UBR4: variants seen among roughly 807,000 people sequenced by gnomAD.
UBR4 encodes ubiquitin protein ligase E3 component n-recognin 4.
A neutral mutation model predicts 575.6 loss-of-function variants in UBR4; 124 were observed. That is an observed-to-expected ratio of 0.22 (90% CI 0.19 to 0.25). UBR4 has a LOEUF of 0.25. Ranked by LOEUF, UBR4 falls within the 10% of genes least tolerant of loss-of-function variation. The pLI, the probability that UBR4 is intolerant of heterozygous loss-of-function variation, is 1.00. For synonymous variants in UBR4, 2,455 were observed against 2,473.7 expected (o/e 0.99, Z 0.22); for missense variants, 4,818 against 6,478.8 (o/e 0.74, Z 8.80).
rs376929588 is a variant in UBR4 at position 19,195,314 on chromosome 1, A to T, written c.1019-1757T>A. ...ATAGTAAAATCTAATAATTTCAAAA[A>T]ATTAAAAATAAATTTTAAGATTATG... is the stretch of plus-strand genomic sequence containing the variant. On this transcript the variant is annotated intron_variant, in intron 8 of 105. Coordinates refer to ENST00000375254, the MANE Select transcript of UBR4 (RefSeq NM_020765.3). Among the ~76,000 whole-genome samples the T allele has an allele frequency of 1.1e-4, 17 of 149,584 alleles. No individual in the cohort carries two copies. In the East Asian group the frequency reaches 2.7e-3, roughly 24 times the overall value.
intron 53 of UBR4, among the ~76,000 whole-genome samples, chr1:19,145,231 T>C (rs2150111449): frequency 1.3e-5 from 2 of 152,292 alleles, no homozygotes; most frequent in Middle Eastern, 3.4e-3. Flanking sequence ...AAATGTTCCC[T>C]AATATCCCCC....
chr1:19,126,318 C>T (rs2081783157), intron 64 of UBR4, 128 bp downstream of exon 64: 1 of 1,079,998 alleles, frequency 9.3e-7, no homozygotes, highest in Non-Finnish European at 1.4e-6. Context: ...GATTAACCCC[C>T]ACCAAGGAAT....
At chr1:19,140,203 A>G (rs897388866) in intron 58 of UBR4, among the ~76,000 whole-genome samples, 4 of 121,908 alleles carry the variant, frequency 3.3e-5, no homozygotes, top group African/African-American at 1.4e-4. Context: ...CCAACTCTCT[A>G]TTCAGGAAAC....
At chr1:19,123,574 AAG>A (rs2081403678) in intron 65 of UBR4, among the ~76,000 whole-genome samples, 1 of 152,180 alleles carries the variant, frequency 6.6e-6, no homozygotes, top group Admixed American at 6.5e-5. Context: ...AAGGGAGAGA[AAG>A]AAATCAAAGA....
At chr1:19,113,499 C>T (rs1570635042) in intron 77 of UBR4, 200 bp downstream of exon 77, 1 of 744,586 alleles carries the variant, frequency 1.3e-6, no homozygotes. Flanking sequence ...CTAGCATGAA[C>T]TCAGCATTCT....
At chr1:19,209,939 G>A in intron 1 of UBR4, 134 bp downstream of exon 1, 2 of 1,335,072 alleles carry the variant, frequency 1.5e-6, no homozygotes, top group South Asian at 1.8e-5. Flanking sequence ...CCCCGGGCCC[G>A]GGACCCCGAA....
chr1:19,186,233 G>A (rs2091515126), intron 14 of UBR4, among the ~76,000 whole-genome samples: 1 of 152,132 alleles, frequency 6.6e-6, no homozygotes, highest in Admixed American at 6.6e-5. Context: ...TTAGAGCAGA[G>A]GTCACAAAAT....
rs753265968 is a variant in UBR4, at chr1:19,146,884, G to A, written c.7746C>T (p.Ile2582=). Residue 2582 remains isoleucine (I), a synonymous_variant, in exon 52 of 106, where the codon ATC becomes ATT. Coordinates refer to ENST00000375254, the MANE Select transcript of UBR4 (RefSeq NM_020765.3). Reference sequence around the variant, plus strand: ...AGTGGACAAGGTTGTTGGGGCGCATGATGGCAATGGAGCGAGCTGTGATCA... The same window carrying A: ...AGTGGACAAGGTTGTTGGGGCGCATAATGGCAATGGAGCGAGCTGTGATCA... ...RLVITARSIA[I]MRPNNLVHFT... 4.3e-6 allele frequency: 7 copies of A among 1,614,194 alleles called. No homozygotes were observed. The highest frequency in any genetic ancestry group is 1.1e-5 in the South Asian group (1 of 91,074).
At chr1:19,174,286 A>T in intron 22 of UBR4, 33 bp downstream of exon 22, 1 of 1,583,996 alleles carries the variant, frequency 6.3e-7, no homozygotes, top group Non-Finnish European at 8.6e-7. Context: ...ATCAAACACA[A>T]CCCAAAGACT....
chr1:19,203,656 GAATAAC>G (rs2151762715), intron 1 of UBR4, among the ~76,000 whole-genome samples: 1 of 152,312 alleles, frequency 6.6e-6, no homozygotes, highest in East Asian at 1.9e-4. Flanking sequence ...GAATCACCTT[GAATAAC>G]ACTTGAGAGT....
intron 71 of UBR4, chr1:19,118,626 T>C (rs2080853156): frequency 4.4e-6 from 2 of 457,050 alleles, no homozygotes; most frequent in African/African-American, 4.0e-5. Context: ...AGTCTCACTA[T>C]GTTGCCCAGG....
chr1:19,164,972 C>G lies in UBR4; in HGVS notation c.4338G>C (p.Leu1446=). The change falls in exon 32 of 106, where the codon CTG becomes CTC. Residue 1446 remains leucine, a synonymous_variant. Transcript: ENST00000375254. The part of the protein sequence containing the change: ...QLTEKSPNPS[L]LHLCGSLAQL... ...GTGCCAGGGAGCCACAGAGATGCAACAGGCTCGGGTTAGGGCTCTTCTCAG... is the reference window on the plus strand; with the variant it reads ...GTGCCAGGGAGCCACAGAGATGCAAGAGGCTCGGGTTAGGGCTCTTCTCAG... The G allele has an allele frequency of 6.2e-7, 1 of 1,613,998 alleles. No homozygotes were observed. Among genetic ancestry groups the G allele is most frequent in the Non-Finnish European group, 8.5e-7 (1 of 1,179,978 alleles).
chr1:19,115,562 C>A lies in UBR4; in HGVS notation c.10899G>T (p.Leu3633Phe). 6.2e-7 allele frequency: 1 copy of A among 1,614,202 alleles called. No individual in the cohort carries two copies. The highest frequency in any genetic ancestry group is 8.5e-7 in the Non-Finnish European group (1 of 1,180,024). Residue 3633 changes from leucine (L) to phenylalanine (F), a missense_variant, in exon 74 of 106, where the codon TTG (leucine) becomes TTT (phenylalanine). Physicochemically the swap from Leu to Phe is conservative, Grantham distance 22. This residue lies in a region of UBR4 where 550 missense variants were observed against 791.5 expected (regional missense o/e 0.69). Coordinates refer to ENST00000375254, the MANE Select transcript of UBR4 (RefSeq NM_020765.3). The stretch of plus-strand genomic sequence containing the variant: ...TCATCAGATTGGAGGCCACAATGGG[C>A]AACGGCAGGTCAATCTTCACCTCTG... ...GQTEVKIDLP[L>F]PIVASNLMIE... is the part of the protein sequence containing the mutation.
rs1441806338 is a variant in UBR4 at position 19,088,338 on chromosome 1, C to G, written c.14431-409G>C. On this transcript the variant is annotated intron_variant, in intron 98 of 105. Transcript: ENST00000375254. The surrounding 1 kb of genome is among the most constrained non-coding windows in gnomAD (Gnocchi z 4.0). ...CTTTGGAAAAGGAGCTTGTAGGACT[C>G]TGCTTCCTCCAAGGTGGGACAGTTA... Among the ~76,000 whole-genome samples, 1 of 152,228 alleles carries G rather than the reference C, an allele frequency of 6.6e-6. No homozygotes were observed. Among genetic ancestry groups the G allele is most frequent in the East Asian group, 1.9e-4 (1 of 5,198 alleles).
intron 75 of UBR4, 127 bp from the exon 76 acceptor site, chr1:19,114,197 T>G: frequency 8.1e-7 from 1 of 1,231,962 alleles, no homozygotes; most frequent in Non-Finnish European, 1.1e-6. Flanking sequence ...ATACATTATC[T>G]CTGTTCTTCA....
At chr1:19,173,808 G>T (rs1196913813) in intron 22 of UBR4, among the ~76,000 whole-genome samples, 187 bp from the exon 23 acceptor site, 1 of 152,180 alleles carries the variant, frequency 6.6e-6, no homozygotes, top group Non-Finnish European at 1.5e-5. Context: ...GAAAATGGCA[G>T]AACACACATA....
chr1:19,114,728 G>A lies in UBR4; in HGVS notation c.11202+83C>T, dbSNP rs2080293667. The A allele has an allele frequency of 3.1e-5, 48 of 1,537,338 alleles. No individual in the cohort carries two copies. The South Asian group carries it at 5.6e-4, about 18-fold the overall frequency. Reference sequence around the variant, plus strand: ...AGTCGAAGAAGGCTTAGGCTAGAAAGTAAAGTGCACTGCACTGCACCAGGT... The same window carrying A: ...AGTCGAAGAAGGCTTAGGCTAGAAAATAAAGTGCACTGCACTGCACCAGGT... On this transcript the variant is annotated intron_variant, in intron 75 of 105. Coordinates refer to ENST00000375254, the MANE Select transcript of UBR4 (RefSeq NM_020765.3).
At chr1:19,128,123 G>A (rs1345626908) in intron 62 of UBR4, 88 bp downstream of exon 62, 3 of 1,273,454 alleles carry the variant, frequency 2.4e-6, no homozygotes, top group Non-Finnish European at 3.4e-6. Flanking sequence ...CTTGAAACGA[G>A]GTGAAGTTCC....
intron 1 of UBR4, among the ~76,000 whole-genome samples, chr1:19,202,603 CCT>C (rs1012517342): frequency 6.6e-6 from 1 of 152,116 alleles, no homozygotes; most frequent in African/African-American, 2.4e-5. Context: ...ACACCATCCC[CCT>C]GACTGTAGAC....
Sources: gnomAD v4.1 joint callset for allele counts (sites outside exome capture counted in the v4.1 genomes callset) on GRCh38, gnomAD v4.1.1 for gene constraint, gnomAD v4.1.1 regional missense constraint, Gnocchi (gnomAD v3.1) non-coding constraint, MANE v1.5 for transcripts, NCBI Gene and HGNC (gene_info 2026-07-23, HGNC 2026-07-21) for gene names.